FAM171B: variants seen among roughly 807,000 people sequenced by gnomAD.
FAM171B encodes protein FAM171B.
In FAM171B, 19 loss-of-function variants were observed where a neutral mutation model predicts 75.6. The ratio of observed to expected loss-of-function variants is 0.25; its 90% CI spans 0.18 to 0.37. The LOEUF (loss-of-function observed/expected upper bound fraction) is 0.37, where lower values mean the gene tolerates loss of function less well. FAM171B is among the 10% of genes least tolerant of loss of function. The pLI, the probability that FAM171B is intolerant of heterozygous loss-of-function variation, is 1.00. For synonymous variants in FAM171B, 367 were observed against 361.7 expected (o/e 1.01, Z -0.17); for missense variants, 848 against 982.4 (o/e 0.86, Z 1.83).
At chr2:186,740,881 C>G (rs748252235) in intron 2 of FAM171B, among the ~76,000 whole-genome samples, 7 of 152,148 alleles carry the variant, frequency 4.6e-5, no homozygotes, top group Non-Finnish European at 1.0e-4. Context: ...AACAGGTAAA[C>G]TATCTGAAAC....
chr2:186,748,687 C>CTT (rs1690407563), intron 4 of FAM171B, among the ~76,000 whole-genome samples: 2 of 152,222 alleles, frequency 1.3e-5, no homozygotes, highest in Non-Finnish European at 2.9e-5. Context: ...TACTGGCTCC[C>CTT]TTCCTTCCTG....
chr2:186,746,296 G>T (rs1305598972), intron 3 of FAM171B, among the ~76,000 whole-genome samples: 1 of 152,196 alleles, frequency 6.6e-6, no homozygotes, highest in Non-Finnish European at 1.5e-5. Context: ...CCTGGCATTT[G>T]AAAGGCTTTT....
intron 1 of FAM171B, among the ~76,000 whole-genome samples, chr2:186,734,657 A>G (rs1359021402): frequency 6.6e-6 from 1 of 152,086 alleles, no homozygotes; most frequent in African/African-American, 2.4e-5. Flanking sequence ...AGGAAGATGC[A>G]CCAGAAGTTC....
chr2:186,733,808 G>A (rs1690158853), intron 1 of FAM171B, among the ~76,000 whole-genome samples: 1 of 152,198 alleles, frequency 6.6e-6, no homozygotes, highest in African/African-American at 2.4e-5. Flanking sequence ...TCCGCTACAG[G>A]CACTGGGGAA....
At chr2:186,707,044 C>G (rs1410151916) in intron 1 of FAM171B, among the ~76,000 whole-genome samples, 1 of 152,188 alleles carries the variant, frequency 6.6e-6, no homozygotes, top group Admixed American at 6.5e-5. Flanking sequence ...GTCATATCCA[C>G]TCCAGTTGCT....
intron 1 of FAM171B, among the ~76,000 whole-genome samples, chr2:186,709,707 G>A (rs189322381): frequency 6.6e-5 from 10 of 152,180 alleles, no homozygotes; most frequent in Non-Finnish European, 1.5e-4. Context: ...CAGCCTCCTG[G>A]CCATTTCCCC....
rs1283340120 is a variant in FAM171B, at chr2:186,765,376, G to C, written c.*2553G>C. The C allele has an allele frequency of 5.3e-5, 8 of 151,898 alleles. No homozygotes were observed. Among genetic ancestry groups the C allele is most frequent in the African/African-American group, 1.7e-4 (7 of 41,384 alleles). The allele number at this position is 151,898 out of a possible 1,614,324, so 9.4% of individuals were successfully genotyped here. A position where few individuals can be genotyped will look rare whatever the true frequency, so the allele number is the denominator to read the frequency against. On this transcript the variant is annotated 3_prime_UTR_variant, in exon 8 of 8. Transcript: ENST00000304698. ...CTAACTGATGGATTCATTTACTAAAGCACAGCTGTATGTATTTTTGAATAC... is the reference window on the plus strand; with the variant it reads ...CTAACTGATGGATTCATTTACTAAACCACAGCTGTATGTATTTTTGAATAC...
chr2:186,762,541 C>A lies in FAM171B; in HGVS notation c.2199C>A (p.Pro733=). Residue 733 remains proline (P), a synonymous_variant, in exon 8 of 8, where the codon CCC becomes CCA. Transcript: ENST00000304698. The surrounding 1 kb of genome is among the most constrained non-coding windows in gnomAD (Gnocchi z 4.0). ...CATTCATCAAAAGCATGCATCAGCC[C>A]AAGATCCTTTACTTAGAAGATTTAG... The part of the protein sequence containing the change: ...EKTFIKSMHQ[P]KILYLEDLDL... The A allele has an allele frequency of 4.3e-6, 7 of 1,613,532 alleles. No homozygotes were observed. Among genetic ancestry groups the A allele is most frequent in the Non-Finnish European group, 5.9e-6 (7 of 1,179,724 alleles).
intron 2 of FAM171B, among the ~76,000 whole-genome samples, chr2:186,742,869 C>G (rs1690309256): frequency 6.6e-6 from 1 of 152,206 alleles, no homozygotes; most frequent in African/African-American, 2.4e-5. Context: ...GCATTTAACT[C>G]ATCCCAACAG....
intron 1 of FAM171B, among the ~76,000 whole-genome samples, chr2:186,701,306 C>T (rs1559080231): frequency 6.6e-6 from 1 of 152,124 alleles, no homozygotes; most frequent in African/African-American, 2.4e-5. Context: ...TAACTATAGT[C>T]AAACAAATTA....
intron 1 of FAM171B, 79 bp from the exon 2 acceptor site, chr2:186,740,149 A>G (rs1690266431): frequency 1.1e-6 from 1 of 932,368 alleles, no homozygotes; most frequent in African/African-American, 1.6e-5. Flanking sequence ...TTATTTAGAT[A>G]TGTTGAATGA....
intron 6 of FAM171B, among the ~76,000 whole-genome samples, chr2:186,758,708 G>T (rs548230954): frequency 3.3e-5 from 5 of 151,930 alleles, no homozygotes; most frequent in Non-Finnish European, 2.9e-5. Context: ...ATGATTGATA[G>T]GTGTTTATAT....
chr2:186,732,987 T>C (rs955122814), intron 1 of FAM171B, among the ~76,000 whole-genome samples: 1 of 152,172 alleles, frequency 6.6e-6, no homozygotes, highest in Non-Finnish European at 1.5e-5. Flanking sequence ...ATTATTATTA[T>C]AGAGAGACAG....
intron 1 of FAM171B, among the ~76,000 whole-genome samples, chr2:186,723,441 C>T (rs1456218096): frequency 6.6e-6 from 1 of 151,538 alleles, no homozygotes; most frequent in East Asian, 1.9e-4. Flanking sequence ...TGAGACTTTC[C>T]CCCTTATGTC....
At chr2:186,699,842 G>T (rs1689632149) in intron 1 of FAM171B, among the ~76,000 whole-genome samples, 1 of 152,084 alleles carries the variant, frequency 6.6e-6, no homozygotes, top group Non-Finnish European at 1.5e-5. Flanking sequence ...TCTGCATAAG[G>T]ATATCCAGTT....
Position 186,747,143 on chromosome 2 carries a change from C to T in FAM171B, c.617C>T (p.Pro206Leu). Reference sequence around the variant, plus strand: ...TTTTCAAAAGCCTTAATTAAACTTCCTGACAACCATCATATTAGCAACGTT... The same window carrying T: ...TTTTCAAAAGCCTTAATTAAACTTCTTGACAACCATCATATTAGCAACGTT... Reference protein sequence around the residue: ...VQFSKALIKLPDNHHISNVTG... With the variant: ...VQFSKALIKLLDNHHISNVTG... The change falls in exon 4 of 8, where the codon CCT (proline) becomes CTT (leucine). Residue 206 changes from proline to leucine, a missense_variant. By Grantham distance (98) the Pro-to-Leu change is moderately conservative. Coordinates refer to ENST00000304698, the MANE Select transcript of FAM171B (RefSeq NM_177454.4). The T allele has an allele frequency of 6.2e-7, 1 of 1,606,266 alleles. No individual in the cohort carries two copies. Among genetic ancestry groups the T allele is most frequent in the East Asian group, 2.3e-5 (1 of 44,444 alleles).
intron 1 of FAM171B, among the ~76,000 whole-genome samples, chr2:186,696,162 T>A (rs1689575597): frequency 6.6e-6 from 1 of 152,066 alleles, no homozygotes; most frequent in Non-Finnish European, 1.5e-5. Context: ...ACCTATTAGA[T>A]TGAGATAAAG....
chr2:186,703,076 T>TATAC (rs145728723), intron 1 of FAM171B, among the ~76,000 whole-genome samples: 59 of 145,574 alleles, frequency 4.1e-4, no homozygotes, highest in East Asian at 1.2e-3. Context: ...TATATATATA[T>TATAC]ACACACACAC....
chr2:186,739,598 C>T (rs1690257352), intron 1 of FAM171B, among the ~76,000 whole-genome samples: 1 of 152,168 alleles, frequency 6.6e-6, no homozygotes, highest in Non-Finnish European at 1.5e-5. Context: ...ACCTCCACAT[C>T]TTGTCCTACT....
Sources: allele counts gnomAD v4.1 joint callset (sites outside exome capture counted in the v4.1 genomes callset), GRCh38; gene constraint gnomAD v4.1.1; non-coding constraint Gnocchi (gnomAD v3.1); transcripts MANE v1.5; gene names NCBI Gene and HGNC (gene_info 2026-07-23, HGNC 2026-07-21).